Variants in SYT9 observed in about 807,000 individuals in gnomAD.
The protein encoded by SYT9 is synaptotagmin-9.
SYT9 carries 22 observed loss-of-function variants against 48.4 expected under a neutral mutation model. That is an observed-to-expected ratio of 0.45 (90% CI 0.32 to 0.65). The LOEUF is 0.65. Among genes scored for constraint, SYT9 ranks in the 30% least tolerant of loss-of-function variants. The probability of loss-of-function intolerance (pLI) is 0.03; values close to 1 mark genes in which losing one functional copy is unlikely to be tolerated. For missense variants in SYT9, 577 were observed against 622.0 expected, an observed-to-expected ratio of 0.93 and a Z score of 0.77; for synonymous variants, 265 against 245.0, an observed-to-expected ratio of 1.08 and a Z score of -0.76.
intron 1 of SYT9, among the ~76,000 whole-genome samples, chr11:7,272,610 C>T (rs1848317974): frequency 6.6e-6 from 1 of 152,120 alleles, no homozygotes; most frequent in Non-Finnish European, 1.5e-5. Flanking sequence ...AAAAGAAAGA[C>T]ATGATCCTTG....
chr11:7,291,064 G>T (rs1848689243), intron 1 of SYT9, among the ~76,000 whole-genome samples: 1 of 152,194 alleles, frequency 6.6e-6, no homozygotes, highest in Non-Finnish European at 1.5e-5. Context: ...CATGCAATGG[G>T]GTGACTTAGC....
intron 3 of SYT9, among the ~76,000 whole-genome samples, chr11:7,378,808 C>T (rs1335204966): frequency 1.3e-5 from 2 of 152,198 alleles, no homozygotes; most frequent in East Asian, 1.9e-4. Context: ...CATCCCGTCT[C>T]CCATAAACTG....
chr11:7,362,832 C>T (rs1388939016), intron 3 of SYT9, among the ~76,000 whole-genome samples: 1 of 151,594 alleles, frequency 6.6e-6, no homozygotes, highest in African/African-American at 2.4e-5. Flanking sequence ...TAACCATTTA[C>T]ATATATCGCC....
chr11:7,376,571 G>T (rs761983279), intron 3 of SYT9, among the ~76,000 whole-genome samples: 9 of 152,024 alleles, frequency 5.9e-5, no homozygotes, highest in Non-Finnish European at 1.0e-4. Flanking sequence ...GCCCTAGTTT[G>T]TCAGCCAAAC....
chr11:7,339,065 G>T (rs548195179), intron 3 of SYT9, among the ~76,000 whole-genome samples: 1 of 152,108 alleles, frequency 6.6e-6, no homozygotes, highest in Non-Finnish European at 1.5e-5. Context: ...ATTAGGTCTT[G>T]TTAAATTGAA....
At chr11:7,294,521 A>G (rs1033295972) in intron 1 of SYT9, among the ~76,000 whole-genome samples, 1 of 152,244 alleles carries the variant, frequency 6.6e-6, no homozygotes. Flanking sequence ...TACAATGGTG[A>G]AAAGGCATAG....
At chr11:7,390,091 C>T (rs567582485) in intron 3 of SYT9, among the ~76,000 whole-genome samples, 2 of 152,172 alleles carry the variant, frequency 1.3e-5, no homozygotes, top group African/African-American at 4.8e-5. Flanking sequence ...CCCATCAACT[C>T]GTCATTTACA....
chr11:7,406,535 C>CATATAT (rs57371051), intron 3 of SYT9, among the ~76,000 whole-genome samples: 1,672 of 135,170 alleles, frequency 0.012, 17 homozygotes, highest in African/African-American at 0.015. Context: ...TTCAATTGCG[C>CATATAT]ATATATATAT....
chr11:7,417,894 A>G (rs776636663), intron 4 of SYT9, 63 bp from the exon 5 acceptor site: 8 of 1,547,612 alleles, frequency 5.2e-6, no homozygotes, highest in Admixed American at 1.9e-5. Context: ...TCACAGTGAT[A>G]TAACTGCCCA....
At chr11:7,395,849 G>T (rs1482339219) in intron 3 of SYT9, among the ~76,000 whole-genome samples, 1 of 151,874 alleles carries the variant, frequency 6.6e-6, no homozygotes, top group African/African-American at 2.4e-5. Context: ...GGTTAATATT[G>T]ATATGTGAGG....
chr11:7,260,182 G>A (rs1489791787), intron 1 of SYT9, among the ~76,000 whole-genome samples: 1 of 152,224 alleles, frequency 6.6e-6, no homozygotes, highest in South Asian at 2.1e-4. Context: ...CATGCTTACT[G>A]CCTCTATGGA....
At chr11:7,380,925 A>T (rs1048613668) in intron 3 of SYT9, among the ~76,000 whole-genome samples, 1 of 152,252 alleles carries the variant, frequency 6.6e-6, no homozygotes, top group African/African-American at 2.4e-5. Flanking sequence ...TATTGATCTT[A>T]CCTATCTGTC....
chr11:7,369,880 CTT>C lies in SYT9; in HGVS notation c.1045-46158_1045-46157del, dbSNP rs1458728712. Among the ~76,000 whole-genome samples the C allele has an allele frequency of 3.9e-4, 58 of 149,920 alleles. 1 individual carries two copies. The South Asian group carries it at 0.013, about 33-fold the overall frequency. ...TAAAAATTTGCAGTTCTTTTTTTCT[CTT>C]TTTATTCTCAAATTTTCTTTATTTT... On this transcript the variant is annotated intron_variant, in intron 3 of 6. Coordinates refer to ENST00000318881, the MANE Select transcript of SYT9 (RefSeq NM_175733.4).
At chr11:7,373,022 T>C (rs189973818) in intron 3 of SYT9, among the ~76,000 whole-genome samples, 56 of 152,302 alleles carry the variant, frequency 3.7e-4, no homozygotes, top group Admixed American at 1.3e-3. Context: ...CTTCAGTTCA[T>C]TAATATGATT....
At chr11:7,381,252 A>C (rs1850557791) in intron 3 of SYT9, among the ~76,000 whole-genome samples, 1 of 152,160 alleles carries the variant, frequency 6.6e-6, no homozygotes, top group African/African-American at 2.4e-5. Context: ...CCAATAGCCT[A>C]AGTTAAAAAA....
Position 7,309,478 on chromosome 11 carries a change from C to T in SYT9, c.498-3917C>T, listed in dbSNP as rs557512326. On this transcript the variant is annotated intron_variant, in intron 2 of 6. Coordinates refer to ENST00000318881, the MANE Select transcript of SYT9 (RefSeq NM_175733.4). ...TCCTACACTCCCTCAATGTCATTGT[C>T]CTTGTCAGTCAGTGGCTTTGAAATT... Among the ~76,000 whole-genome samples, 4 of 152,288 alleles carry T rather than the reference C, an allele frequency of 2.6e-5. No individual in the cohort carries two copies. The South Asian group carries it at 6.2e-4, about 24-fold the overall frequency.
At chr11:7,461,011 A>G (rs1848226048) in intron 6 of SYT9, among the ~76,000 whole-genome samples, 2 of 152,090 alleles carry the variant, frequency 1.3e-5, no homozygotes, top group South Asian at 4.1e-4. Flanking sequence ...GAATTTTACC[A>G]GAGCTATGAA....
At chr11:7,273,195 G>T (rs1267582621) in intron 1 of SYT9, among the ~76,000 whole-genome samples, 1 of 152,000 alleles carries the variant, frequency 6.6e-6, no homozygotes, top group Non-Finnish European at 1.5e-5. Flanking sequence ...GACTGAATTG[G>T]GTTTTAGAAA....
chr11:7,287,297 G>T (rs926994841), intron 1 of SYT9, among the ~76,000 whole-genome samples: 9 of 152,138 alleles, frequency 5.9e-5, no homozygotes, highest in African/African-American at 2.2e-4. Flanking sequence ...CACAAGAACA[G>T]CATGGAGGTA....
Sources: gnomAD v4.1 joint callset for allele counts (sites outside exome capture counted in the v4.1 genomes callset) on GRCh38, gnomAD v4.1.1 for gene constraint, MANE v1.5 for transcripts, NCBI Gene and HGNC (gene_info 2026-07-23, HGNC 2026-07-21) for gene names.